The following GABBR2 variants were observed in gnomAD, a reference collection of about 807,000 sequenced individuals.
GABBR2 encodes G-protein coupled receptor 51.
Under a neutral mutation model 105.6 loss-of-function variants are expected in GABBR2, and 23 were observed. That is an observed-to-expected ratio of 0.22 (90% CI 0.16 to 0.31). GABBR2 has a LOEUF of 0.31. GABBR2 is among the 10% of genes least tolerant of loss of function. The probability of loss-of-function intolerance (pLI) is 1.00; values close to 1 mark genes in which losing one functional copy is unlikely to be tolerated. For missense variants in GABBR2, 734 were observed against 1,245.5 expected, an observed-to-expected ratio of 0.59 and a Z score of 6.18; for synonymous variants, 478 against 499.7, an observed-to-expected ratio of 0.96 and a Z score of 0.58.
intron 3 of GABBR2, among the ~76,000 whole-genome samples, chr9:98,538,319 C>T (rs112383574): frequency 1.0e-3 from 156 of 152,320 alleles, no homozygotes; most frequent in African/African-American, 3.5e-3. Flanking sequence ...GTCTCATTTA[C>T]ATCTTTCATC....
At chr9:98,666,607 A>C (rs1390406456) in intron 1 of GABBR2, among the ~76,000 whole-genome samples, 1 of 152,166 alleles carries the variant, frequency 6.6e-6, no homozygotes, top group Non-Finnish European at 1.5e-5. Context: ...GTCAGACCTC[A>C]AGTGATCCTC....
chr9:98,327,766 G>A (rs1830948956), intron 13 of GABBR2, among the ~76,000 whole-genome samples: 1 of 151,772 alleles, frequency 6.6e-6, no homozygotes, highest in Non-Finnish European at 1.5e-5. Context: ...CTACTCGGGA[G>A]GCTAAGGCAC....
chr9:98,454,274 G>A lies in GABBR2; in HGVS notation c.1000-57C>T, dbSNP rs1826286666. On this transcript the variant is annotated intron_variant, in intron 6 of 18. Transcript: ENST00000259455. This position sits in a 1 kb window ranked among gnomAD's most constrained non-coding sequence, Gnocchi z 4.6. ...GTTATACTCGGCAGGGACATCAGGT[G>A]CCTGATGCCGAGAAGAGCTGCTATT... 11 of 1,174,718 alleles carry A rather than the reference G, an allele frequency of 9.4e-6. No individual in the cohort carries two copies. The highest frequency in any genetic ancestry group is 1.4e-5 in the Non-Finnish European group (11 of 780,414). The allele number at this position is 1,174,718 out of a possible 1,614,324, so 72.8% of individuals were successfully genotyped here. A position where few individuals can be genotyped will look rare whatever the true frequency, so the allele number is the denominator to read the frequency against.
chr9:98,657,875 T>C (rs933597489), intron 1 of GABBR2, among the ~76,000 whole-genome samples: 1 of 152,262 alleles, frequency 6.6e-6, no homozygotes, highest in African/African-American at 2.4e-5. Context: ...GTGAAGAAGA[T>C]ACCTGCTTCT....
intron 1 of GABBR2, chr9:98,581,236 G>A (rs775634947): frequency 2.1e-4 from 32 of 152,360 alleles, no homozygotes; most frequent in Admixed American, 6.5e-5. Context: ...AATCGTAGGC[G>A]GAAAAGCAGC....
intron 13 of GABBR2, among the ~76,000 whole-genome samples, chr9:98,346,189 T>C (rs544615): frequency 0.69 from 104,256 of 152,138 alleles, 36,860 homozygotes; most frequent in East Asian, 0.8. Flanking sequence ...TTTTCGTAAA[T>C]GATTTCTTTG....
chr9:98,374,060 T>C (rs1461929191), intron 11 of GABBR2, among the ~76,000 whole-genome samples: 1 of 152,058 alleles, frequency 6.6e-6, no homozygotes, highest in Admixed American at 6.5e-5. Context: ...AATCTTGCTA[T>C]ATTGCCCAGG....
At chr9:98,422,198 T>C (rs1217941726) in intron 7 of GABBR2, among the ~76,000 whole-genome samples, 2 of 152,108 alleles carry the variant, frequency 1.3e-5, no homozygotes, top group Non-Finnish European at 2.9e-5. Flanking sequence ...CAGAAGACAG[T>C]AGGCACATGA....
chr9:98,629,574 C>A (rs980935561), intron 1 of GABBR2, among the ~76,000 whole-genome samples: 2 of 152,228 alleles, frequency 1.3e-5, no homozygotes, highest in African/African-American at 4.8e-5. Flanking sequence ...ACGTAGCATT[C>A]AACTCCTTCT....
intron 1 of GABBR2, among the ~76,000 whole-genome samples, chr9:98,596,910 C>G (rs988878205): frequency 1.3e-5 from 2 of 152,152 alleles, no homozygotes; most frequent in Non-Finnish European, 2.9e-5. Context: ...CTCCCCTCCC[C>G]AAAGCCTGCA....
At chr9:98,632,320 G>T (rs1829825879) in intron 1 of GABBR2, among the ~76,000 whole-genome samples, 1 of 152,234 alleles carries the variant, frequency 6.6e-6, no homozygotes, top group South Asian at 2.1e-4. Flanking sequence ...TTGTGAAGAA[G>T]TAGAGATAAT....
chr9:98,501,055 C>A (rs1330934946), intron 3 of GABBR2, among the ~76,000 whole-genome samples: 2 of 151,776 alleles, frequency 1.3e-5, no homozygotes, highest in Non-Finnish European at 2.9e-5. Context: ...ATTTTCCCCT[C>A]GGTTAGGAGA....
chr9:98,677,054 C>T (rs907336492), intron 1 of GABBR2, among the ~76,000 whole-genome samples: 1 of 152,226 alleles, frequency 6.6e-6, no homozygotes, highest in Non-Finnish European at 1.5e-5. Flanking sequence ...TCAGCCTCAA[C>T]TTCCCCTGCC....
rs1267567251 is a variant in GABBR2, at chr9:98,400,070, G to A, written c.1298-5815C>T. 2.7e-5 allele frequency among the ~76,000 whole-genome samples: 4 copies of A among 150,344 alleles called. No individual in the cohort carries two copies. The East Asian group carries it at 7.8e-4, about 29-fold the overall frequency. On this transcript the variant is annotated intron_variant, in intron 8 of 18. Transcript: ENST00000259455. The stretch of plus-strand genomic sequence containing the variant: ...CATGGTGGTGCACGCCTGTAGTTCA[G>A]CTACTTGGGAGGCTGAGGAAGGAGG...
intron 13 of GABBR2, among the ~76,000 whole-genome samples, chr9:98,322,506 G>A (rs778856011): frequency 1.1e-4 from 16 of 151,874 alleles, no homozygotes; most frequent in Non-Finnish European, 1.5e-4. Context: ...CATCCGCGCC[G>A]TGCTAATTCC....
At chr9:98,680,775 G>A (rs966025653) in intron 1 of GABBR2, among the ~76,000 whole-genome samples, 7 of 152,046 alleles carry the variant, frequency 4.6e-5, no homozygotes, top group Admixed American at 2.0e-4. Flanking sequence ...CTTAAATACC[G>A]GGACACTGAC....
intron 3 of GABBR2, among the ~76,000 whole-genome samples, chr9:98,513,237 C>T (rs957884863): frequency 6.6e-6 from 1 of 151,274 alleles, no homozygotes; most frequent in Non-Finnish European, 1.5e-5. Flanking sequence ...CTTCCTTACA[C>T]CTTATACAAA....
intron 2 of GABBR2, among the ~76,000 whole-genome samples, chr9:98,560,925 G>A (rs550065887): frequency 6.6e-6 from 1 of 151,878 alleles, no homozygotes; most frequent in Non-Finnish European, 1.5e-5. Flanking sequence ...TGGAAAGAAT[G>A]AAATTATCCT....
At chr9:98,398,095 G>T (rs1832326193) in intron 8 of GABBR2, among the ~76,000 whole-genome samples, 1 of 152,182 alleles carries the variant, frequency 6.6e-6, no homozygotes, top group Non-Finnish European at 1.5e-5. Context: ...TCTATATCCA[G>T]TCTGTATCCA....
Sources: allele counts gnomAD v4.1 joint callset (sites outside exome capture counted in the v4.1 genomes callset), GRCh38; gene constraint gnomAD v4.1.1; non-coding constraint Gnocchi (gnomAD v3.1); transcripts MANE v1.5; gene names NCBI Gene and HGNC (gene_info 2026-07-23, HGNC 2026-07-21).